XYLT1: variants seen among roughly 807,000 people sequenced by gnomAD.
The protein encoded by XYLT1 is xylosyltransferase 1, also known as beta-D-xylosyltransferase 1.
XYLT1 carries 36 observed loss-of-function variants against 91.3 expected under a neutral mutation model. The observed-to-expected ratio is 0.39, with a 90% CI of 0.30 to 0.52. XYLT1 has a LOEUF of 0.52. Among genes scored for constraint, XYLT1 ranks in the 20% least tolerant of loss-of-function variants. The pLI is 0.68. For missense variants in XYLT1, 1,242 were observed against 1,284.5 expected, an observed-to-expected ratio of 0.97 and a Z score of 0.51; for synonymous variants, 588 against 532.0, an observed-to-expected ratio of 1.11 and a Z score of -1.45.
chr16:17,444,588 C>T (rs1431034872), intron 1 of XYLT1, among the ~76,000 whole-genome samples: 3 of 151,700 alleles, frequency 2.0e-5, no homozygotes, highest in Non-Finnish European at 4.4e-5. Flanking sequence ...CTCAAGTGAT[C>T]CTCCCGCCTT....
intron 5 of XYLT1, among the ~76,000 whole-genome samples, chr16:17,164,641 T>G (rs1255080998): frequency 6.6e-6 from 1 of 152,240 alleles, no homozygotes; most frequent in African/African-American, 2.4e-5. Context: ...TTTTGCTGGC[T>G]GACTTATTTA....
At chr16:17,291,369 G>A (rs147235042) in intron 2 of XYLT1, among the ~76,000 whole-genome samples, 11 of 152,308 alleles carry the variant, frequency 7.2e-5, no homozygotes, top group Admixed American at 2.6e-4. Context: ...GACCTGTGAG[G>A]TTGGCAGGCT....
At position 17,106,721 on chromosome 16, in the gene XYLT1, C is replaced by A. The variant is rs1966780700; in HGVS notation, c.*1974G>T. 1 of 152,186 alleles carries A rather than the reference C, an allele frequency of 6.6e-6. No individual in the cohort carries two copies. Among genetic ancestry groups the A allele is most frequent in the Non-Finnish European group, 1.5e-5 (1 of 68,084 alleles). The allele number at this position is 152,186 out of a possible 1,614,324, so 9.4% of individuals were successfully genotyped here. ...TTTTCTGCCTGTCACCTCCTTGTGC[C>A]TGTGACGGGGGGTGAGTAGGGGGAG... On this transcript the variant is annotated 3_prime_UTR_variant, in exon 12 of 12. Transcript: ENST00000261381.
chr16:17,450,510 G>T (rs1018200346), intron 1 of XYLT1, among the ~76,000 whole-genome samples: 3 of 152,158 alleles, frequency 2.0e-5, no homozygotes, highest in African/African-American at 7.2e-5. Flanking sequence ...TCACACACAC[G>T]GCTGGAAGAA....
At chr16:17,393,108 C>A (rs2141894013) in intron 1 of XYLT1, among the ~76,000 whole-genome samples, 1 of 152,154 alleles carries the variant, frequency 6.6e-6, no homozygotes, top group East Asian at 1.9e-4. Flanking sequence ...AAAGCACAGG[C>A]CAGATCCTCC....
chr16:17,460,171 T>C (rs2036798904), intron 1 of XYLT1, among the ~76,000 whole-genome samples: 1 of 152,172 alleles, frequency 6.6e-6, no homozygotes, highest in African/African-American at 2.4e-5. Context: ...TGCTCAGGAA[T>C]GTTCTACTTT....
intron 1 of XYLT1, among the ~76,000 whole-genome samples, chr16:17,402,665 A>G (rs541268781): frequency 6.6e-6 from 1 of 152,174 alleles, no homozygotes. Context: ...AATGCCCATC[A>G]TTAAGCTCTC....
intron 2 of XYLT1, among the ~76,000 whole-genome samples, chr16:17,327,361 CTTTTTTTTTTTTTT>C (rs138879762): frequency 1.9e-5 from 2 of 108,080 alleles, no homozygotes; most frequent in East Asian, 4.9e-4. Context: ...TTTCTTTTTT[CTTTTTTTTTTTTTT>C]TTTTTGAGAT....
At chr16:17,342,593 G>A (rs999944690) in intron 2 of XYLT1, among the ~76,000 whole-genome samples, 4 of 152,076 alleles carry the variant, frequency 2.6e-5, no homozygotes, top group African/African-American at 7.2e-5. Context: ...GAGGTGGCGC[G>A]TGCCTGTAAT....
rs1265807935 is a variant in XYLT1, at chr16:17,219,454, A to T, written c.914-18800T>A. On this transcript the variant is annotated intron_variant, in intron 3 of 11. Transcript: ENST00000261381. ...ACATCTTGTCTTTTACCATTACAGC[A>T]TCATTGAGGGGATAACCATTATGCT... Among the ~76,000 whole-genome samples, 4 of 152,284 alleles carry T rather than the reference A, an allele frequency of 2.6e-5. No individual in the cohort carries two copies. The East Asian group carries it at 7.7e-4, about 29-fold the overall frequency.
chr16:17,318,072 G>A (rs2034663925), intron 2 of XYLT1, among the ~76,000 whole-genome samples: 1 of 152,174 alleles, frequency 6.6e-6, no homozygotes, highest in African/African-American at 2.4e-5. Flanking sequence ...ATTTCCTTAT[G>A]TGTTTATCAT....
chr16:17,138,034 A>G (rs1025435581), intron 8 of XYLT1, among the ~76,000 whole-genome samples: 7 of 120,534 alleles, frequency 5.8e-5, no homozygotes, highest in Admixed American at 1.6e-4. Context: ...AAGGGAATAA[A>G]GAGAAGATGA....
chr16:17,164,064 A>AAAAAAG, intron 5 of XYLT1, among the ~76,000 whole-genome samples: 1 of 141,590 alleles, frequency 7.1e-6, no homozygotes, highest in Non-Finnish European at 1.5e-5. Flanking sequence ...AAAAAAAAAA[A>AAAAAAG]AAAAAGAAAG....
intron 5 of XYLT1, among the ~76,000 whole-genome samples, chr16:17,169,101 G>C (rs574295739): frequency 7.2e-5 from 11 of 152,182 alleles, no homozygotes; most frequent in Non-Finnish European, 1.5e-4. Context: ...GGACAGGAGT[G>C]GGTAAGATGG....
intron 2 of XYLT1, among the ~76,000 whole-genome samples, chr16:17,296,132 A>C (rs1467226280): frequency 6.6e-6 from 1 of 151,902 alleles, no homozygotes; most frequent in African/African-American, 2.4e-5. Flanking sequence ...AAGGATGCCA[A>C]CTGTCTTCTG....
At chr16:17,440,205 C>G (rs2036514742) in intron 1 of XYLT1, among the ~76,000 whole-genome samples, 1 of 152,228 alleles carries the variant, frequency 6.6e-6, no homozygotes, top group Non-Finnish European at 1.5e-5. Flanking sequence ...AGCAAATCCT[C>G]CCCAGTAGAA....
chr16:17,355,972 C>A lies in XYLT1; in HGVS notation c.402+2040G>T, dbSNP rs1042004200. Among the ~76,000 whole-genome samples the A allele has an allele frequency of 7.2e-5, 11 of 152,266 alleles. No individual in the cohort carries two copies. The East Asian group carries it at 1.4e-3, about 19-fold the overall frequency. ...CAAGTGATCTGCCTACCTCAGCCCC[C>A]CAAAGTGCTGGGATACAGGCGTTAG... On this transcript the variant is annotated intron_variant, in intron 2 of 11. Transcript: ENST00000261381.
At chr16:17,244,274 G>A (rs1486080581) in intron 3 of XYLT1, among the ~76,000 whole-genome samples, 1 of 152,048 alleles carries the variant, frequency 6.6e-6, no homozygotes, top group East Asian at 1.9e-4. Context: ...GGGCCTTGGG[G>A]GGTCTGTTGC....
At chr16:17,176,651 G>A (rs7206082) in intron 5 of XYLT1, among the ~76,000 whole-genome samples, 13,374 of 152,218 alleles carry the variant, frequency 0.088, 666 homozygotes, top group Middle Eastern at 0.13. Flanking sequence ...CCAGGGCCAC[G>A]AAGCCTAAGA....
Sources: gnomAD v4.1 joint callset for allele counts (sites outside exome capture counted in the v4.1 genomes callset) on GRCh38, gnomAD v4.1.1 for gene constraint, MANE v1.5 for transcripts, NCBI Gene and HGNC (gene_info 2026-07-23, HGNC 2026-07-21) for gene names.